The following TRAPPC9 variants were observed in gnomAD, a reference collection of about 807,000 sequenced individuals.
The protein encoded by TRAPPC9 is IKK2 binding protein.
Under a neutral mutation model 124.0 loss-of-function variants are expected in TRAPPC9, and 83 were observed. The observed-to-expected ratio is 0.67, with a 90% CI of 0.56 to 0.80. The LOEUF is 0.80. Ranked by LOEUF, TRAPPC9 falls within the 30% of genes least tolerant of loss-of-function variation. TRAPPC9 has a pLI of 0.00. For missense variants in TRAPPC9, 1,302 were observed against 1,508.3 expected, an observed-to-expected ratio of 0.86 and a Z score of 2.27; for synonymous variants, 638 against 617.5, an observed-to-expected ratio of 1.03 and a Z score of -0.49.
chr8:140,370,956 T>A lies in TRAPPC9; in HGVS notation c.1351+8A>T. 1 of 1,613,862 alleles carries A rather than the reference T, an allele frequency of 6.2e-7. No homozygotes were observed. The highest frequency in any genetic ancestry group is 8.5e-7 in the Non-Finnish European group (1 of 1,180,030). On this transcript the variant is annotated splice_region_variant and intron_variant, in intron 8 of 22. Transcript: ENST00000438773. ...AACACCTTAGCGCCAGCAAGGGGAC[T>A]CCAGTACCTCTGCTGAAATCTTTGG...
chr8:140,447,487 A>G (rs1305986120), intron 2 of TRAPPC9, among the ~76,000 whole-genome samples: 10 of 152,198 alleles, frequency 6.6e-5, no homozygotes, highest in African/African-American at 2.2e-4. Context: ...AAAAAGAAAA[A>G]GAAAAAGAAA....
intron 9 of TRAPPC9, among the ~76,000 whole-genome samples, chr8:140,330,565 C>T (rs2066869187): frequency 6.6e-6 from 1 of 152,064 alleles, no homozygotes; most frequent in South Asian, 2.1e-4. Flanking sequence ...TTTCCTTGTT[C>T]CTTTCAGGTT....
chr8:139,959,312 G>A (rs997091683), intron 19 of TRAPPC9, among the ~76,000 whole-genome samples: 3 of 152,236 alleles, frequency 2.0e-5, no homozygotes, highest in African/African-American at 7.2e-5. Context: ...CAACTTCACC[G>A]AGCACTTGCT....
chr8:139,883,174 T>C (rs1488731415), intron 21 of TRAPPC9, among the ~76,000 whole-genome samples: 1 of 152,030 alleles, frequency 6.6e-6, no homozygotes, highest in Non-Finnish European at 1.5e-5. Context: ...AAGAGACACC[T>C]GAGCTAGCAC....
At chr8:140,055,303 T>C (rs1292596258) in intron 17 of TRAPPC9, among the ~76,000 whole-genome samples, 2 of 152,092 alleles carry the variant, frequency 1.3e-5, no homozygotes, top group South Asian at 2.1e-4. Context: ...CAAAAGCCTA[T>C]GAGAAAATTC....
chr8:139,923,095 G>A (rs754525048), intron 19 of TRAPPC9, among the ~76,000 whole-genome samples: 8 of 106,960 alleles, frequency 7.5e-5, no homozygotes, highest in Admixed American at 3.3e-4. Flanking sequence ...ACAGTATTAG[G>A]GTCCTGGGAT....
chr8:139,879,871 A>G (rs1829569520), intron 21 of TRAPPC9, among the ~76,000 whole-genome samples: 1 of 152,244 alleles, frequency 6.6e-6, no homozygotes, highest in Non-Finnish European at 1.5e-5. Context: ...ACAGAGAACC[A>G]GAGCTCAGAG....
chr8:139,788,327 C>T lies in TRAPPC9; in HGVS notation c.3056-56125G>A, dbSNP rs1822418340. ...TGGATTAATTTTAAAATTTAACTTG[C>T]TTTCCTTTTTCCCACAGGGAAAAGG... On this transcript the variant is annotated intron_variant, in intron 21 of 22. Coordinates refer to ENST00000438773, the MANE Select transcript of TRAPPC9 (RefSeq NM_001160372.4). The surrounding 1 kb of genome is among the most constrained non-coding windows in gnomAD (Gnocchi z 4.9). Among the ~76,000 whole-genome samples, 2 of 152,334 alleles carry T rather than the reference C, an allele frequency of 1.3e-5. No homozygotes were observed. The highest frequency in any genetic ancestry group is 2.1e-4 in the South Asian group (1 of 4,826).
At chr8:139,751,378 A>G (rs1047285156) in intron 21 of TRAPPC9, among the ~76,000 whole-genome samples, 1 of 152,112 alleles carries the variant, frequency 6.6e-6, no homozygotes, top group Non-Finnish European at 1.5e-5. Flanking sequence ...GCCCTTTCAG[A>G]CACCAGATCA....
intron 9 of TRAPPC9, among the ~76,000 whole-genome samples, chr8:140,328,981 GAC>G (rs1444553463): frequency 6.6e-6 from 1 of 152,156 alleles, no homozygotes; most frequent in Non-Finnish European, 1.5e-5. Flanking sequence ...CTCGTCGGAA[GAC>G]AGCAGCTCCA....
intron 9 of TRAPPC9, among the ~76,000 whole-genome samples, chr8:140,320,761 G>C (rs1015408518): frequency 6.6e-6 from 1 of 152,222 alleles, no homozygotes; most frequent in African/African-American, 2.4e-5. Flanking sequence ...TTGAGGCCTA[G>C]GGAGAGGAAG....
At chr8:139,922,782 G>A (rs190796261) in intron 19 of TRAPPC9, among the ~76,000 whole-genome samples, 189 of 152,352 alleles carry the variant, frequency 1.2e-3, no homozygotes, top group African/African-American at 3.7e-3. Context: ...AGAGGTAAAG[G>A]ACGGGTCCAA....
chr8:140,201,056 T>C (rs2062777033), intron 17 of TRAPPC9, among the ~76,000 whole-genome samples: 1 of 152,168 alleles, frequency 6.6e-6, no homozygotes, highest in African/African-American at 2.4e-5. Context: ...ACCGTGCTAT[T>C]CTAACGCCGG....
chr8:140,031,720 G>C (rs1356382431), intron 17 of TRAPPC9, among the ~76,000 whole-genome samples: 2 of 152,204 alleles, frequency 1.3e-5, no homozygotes, highest in Non-Finnish European at 2.9e-5. Flanking sequence ...TTTCTTCAGT[G>C]TTAATGATGC....
intron 9 of TRAPPC9, among the ~76,000 whole-genome samples, chr8:140,324,621 T>C (rs578160533): frequency 4.6e-5 from 7 of 151,664 alleles, no homozygotes; most frequent in Non-Finnish European, 8.8e-5. Flanking sequence ...AATAAGAAAA[T>C]TAGGCGGGCA....
intron 21 of TRAPPC9, among the ~76,000 whole-genome samples, chr8:139,838,126 C>T (rs1826478172): frequency 6.6e-6 from 1 of 152,206 alleles, no homozygotes; most frequent in Non-Finnish European, 1.5e-5. Flanking sequence ...CCCACAGCCA[C>T]AGCCCCAAAC....
chr8:140,351,130 G>A (rs1463479824), intron 9 of TRAPPC9, among the ~76,000 whole-genome samples: 2 of 148,264 alleles, frequency 1.3e-5, no homozygotes, highest in African/African-American at 4.9e-5. Flanking sequence ...CAACCGCGTG[G>A]GTAGTCAGGT....
Position 140,283,894 on chromosome 8 carries a change from CAG to C in TRAPPC9, c.2107_2108del (p.Leu703AlafsTer13). On this transcript the variant is annotated frameshift_variant, in exon 14 of 23. Coordinates refer to ENST00000438773, the MANE Select transcript of TRAPPC9 (RefSeq NM_001160372.4). LOFTEE classifies it high-confidence loss of function. ...ALPRLQISTS[L>X]PRSAHSLQPS... ...GTGACCCTCGTGCACACTACCTGGG[CAG>C]AGAGGTGCTGATCTGCAGTCTTGGC... 1 of 1,613,880 alleles carries C rather than the reference CAG, an allele frequency of 6.2e-7. No individual in the cohort carries two copies. The highest frequency in any genetic ancestry group is 2.2e-5 in the East Asian group (1 of 44,886).
intron 9 of TRAPPC9, among the ~76,000 whole-genome samples, chr8:140,323,614 A>C (rs943014158): frequency 6.6e-6 from 1 of 152,194 alleles, no homozygotes; most frequent in Non-Finnish European, 1.5e-5. Flanking sequence ...CCTTAAACAC[A>C]TTTTGGCAAC....
Sources: allele counts gnomAD v4.1 joint callset (sites outside exome capture counted in the v4.1 genomes callset), GRCh38; gene constraint gnomAD v4.1.1; non-coding constraint Gnocchi (gnomAD v3.1); transcripts MANE v1.5; gene names NCBI Gene and HGNC (gene_info 2026-07-23, HGNC 2026-07-21).